The following EPB41L2 variants were observed in gnomAD, a reference collection of about 807,000 sequenced individuals.
EPB41L2 encodes the protein erythrocyte membrane protein band 4.1 like 2.
EPB41L2 carries 43 observed loss-of-function variants against 113.0 expected under a neutral mutation model. The observed-to-expected ratio is 0.38, with a 90% CI of 0.30 to 0.49. EPB41L2 has a LOEUF of 0.49. Ranked by LOEUF, EPB41L2 falls within the 20% of genes least tolerant of loss-of-function variation. EPB41L2 has a pLI of 0.95. For missense variants in EPB41L2, 1,147 were observed against 1,223.4 expected (o/e 0.94, Z 0.93); for synonymous variants, 442 against 436.7 (o/e 1.01, Z -0.15).
rs549970239 is a variant in EPB41L2, at chr6:130,896,782, A to G, written c.1237-1663T>C. Among the ~76,000 whole-genome samples the G allele has an allele frequency of 2.6e-5, 4 of 152,296 alleles. No homozygotes were observed. In the South Asian group the frequency reaches 8.3e-4, roughly 32 times the overall value. Reference sequence around the variant, plus strand: ...CAAAATCAGAAAAATAAACTAATGGAAAGGAGCACCTTCTCTGCATTGCTC... The same window carrying G: ...CAAAATCAGAAAAATAAACTAATGGGAAGGAGCACCTTCTCTGCATTGCTC... On this transcript the variant is annotated intron_variant, in intron 8 of 19. Coordinates refer to ENST00000337057, the MANE Select transcript of EPB41L2 (RefSeq NM_001431.4).
Position 130,923,141 on chromosome 6 carries a change from C to G in EPB41L2, c.810+3464G>C, listed in dbSNP as rs143104521. ...CTGTCATCCTTCATGTTCAATCATT[C>G]ATCAGATTGAGTCAGCCTCCTTCCT... On this transcript the variant is annotated intron_variant, in intron 4 of 19. Coordinates refer to ENST00000337057, the MANE Select transcript of EPB41L2 (RefSeq NM_001431.4). Among the ~76,000 whole-genome samples, 16 of 152,250 alleles carry G rather than the reference C, an allele frequency of 1.1e-4. No homozygotes were observed. In the East Asian group the frequency reaches 3.1e-3, roughly 29 times the overall value.
Position 130,982,913 on chromosome 6 carries a change from T to C in EPB41L2, c.-14-26414A>G, listed in dbSNP as rs189835812. ...TCATACAGTGGTTAATCAACAGTCC[T>C]GGAGTTAGACAAACCTGAATTTGGA... On this transcript the variant is annotated intron_variant, in intron 1 of 19. Transcript: ENST00000337057. 9.2e-5 allele frequency among the ~76,000 whole-genome samples: 14 copies of C among 152,324 alleles called. No homozygotes were observed. The East Asian group carries it at 2.7e-3, about 29-fold the overall frequency.
At chr6:130,864,760 T>A (rs73775325) in intron 17 of EPB41L2, among the ~76,000 whole-genome samples, 4,023 of 144,984 alleles carry the variant, frequency 0.028, 184 homozygotes, top group African/African-American at 0.094. Flanking sequence ...GCGGCATTTT[T>A]AAATTTACAA....
At chr6:131,046,472 T>G (rs947335279) in intron 1 of EPB41L2, among the ~76,000 whole-genome samples, 1 of 152,154 alleles carries the variant, frequency 6.6e-6, no homozygotes, top group Admixed American at 6.5e-5. Context: ...ATTAAATACC[T>G]CATTTGTTGA....
chr6:130,878,973 T>G (rs1473943261), intron 13 of EPB41L2, among the ~76,000 whole-genome samples: 2 of 152,240 alleles, frequency 1.3e-5, no homozygotes, highest in African/African-American at 4.8e-5. Context: ...CAGATCGTCC[T>G]TATACAGACA....
chr6:130,860,907 C>G (rs150798925), intron 18 of EPB41L2, among the ~76,000 whole-genome samples: 1 of 152,106 alleles, frequency 6.6e-6, no homozygotes. Flanking sequence ...TATTTTACCT[C>G]TCCTTGGTAT....
intron 19 of EPB41L2, among the ~76,000 whole-genome samples, chr6:130,851,093 A>G (rs920116151): frequency 5.3e-5 from 8 of 152,218 alleles, no homozygotes; most frequent in Non-Finnish European, 1.5e-5. Flanking sequence ...ACAACTAGGC[A>G]AACAGAATAA....
chr6:130,892,456 C>A (rs1422867804), intron 10 of EPB41L2, among the ~76,000 whole-genome samples: 17 of 133,794 alleles, frequency 1.3e-4, no homozygotes, highest in African/African-American at 4.6e-4. Context: ...GTTGTCTGCC[C>A]AGCTTGGACC....
intron 3 of EPB41L2, among the ~76,000 whole-genome samples, chr6:130,954,136 T>TCCGCCTC (rs1816534735): frequency 7.5e-6 from 1 of 133,128 alleles, no homozygotes; most frequent in African/African-American, 2.8e-5. Flanking sequence ...CACCACAAGC[T>TCCGCCTC]CCGCCTCCCG....
At chr6:130,890,193 T>C in intron 11 of EPB41L2, 101 bp downstream of exon 11, 2 of 1,254,434 alleles carry the variant, frequency 1.6e-6, no homozygotes, top group South Asian at 2.0e-5. Context: ...GCTATCCCTG[T>C]AGGGTATTTC....
At chr6:130,930,476 T>C (rs1188318530) in intron 3 of EPB41L2, among the ~76,000 whole-genome samples, 2 of 152,138 alleles carry the variant, frequency 1.3e-5, no homozygotes, top group Admixed American at 1.3e-4. Context: ...TATTACAAAA[T>C]CTGAAAAAAC....
chr6:130,973,365 G>A lies in EPB41L2; in HGVS notation c.-14-16866C>T, dbSNP rs370736508. Among the ~76,000 whole-genome samples the A allele has an allele frequency of 2.0e-4, 31 of 152,048 alleles. 1 individual carries two copies. Among genetic ancestry groups the A allele is most frequent in the African/African-American group, 6.3e-4 (26 of 41,482 alleles). ...GGTTCACAAAGGGGCAATTTGGTGAGTTTTTTAGTAGAGCCAATTTTATTC... is the reference window on the plus strand; with the variant it reads ...GGTTCACAAAGGGGCAATTTGGTGAATTTTTTAGTAGAGCCAATTTTATTC... On this transcript the variant is annotated intron_variant, in intron 1 of 19. Coordinates refer to ENST00000337057, the MANE Select transcript of EPB41L2 (RefSeq NM_001431.4).
chr6:130,987,435 G>A (rs1421028039), intron 1 of EPB41L2, among the ~76,000 whole-genome samples: 1 of 152,180 alleles, frequency 6.6e-6, no homozygotes, highest in Non-Finnish European at 1.5e-5. Context: ...GCTCATGCCT[G>A]TAATCCCAGC....
chr6:130,919,318 C>T lies in EPB41L2; in HGVS notation c.810+7287G>A, dbSNP rs1802127795. Among the ~76,000 whole-genome samples the T allele has an allele frequency of 2.6e-5, 4 of 152,160 alleles. No homozygotes were observed. The South Asian group carries it at 8.3e-4, about 32-fold the overall frequency. On this transcript the variant is annotated intron_variant, in intron 4 of 19. Transcript: ENST00000337057. ...ATAAGAACGCTACAGTAGACCCAAA[C>T]AAATGTACCTTTATCTTAGTATTTT... is the stretch of plus-strand genomic sequence containing the variant.
At position 130,867,960 on chromosome 6, in the gene EPB41L2, ACACACACACACACT is replaced by A. The variant is rs1195995275; in HGVS notation, c.2608-393_2608-380del. The A allele has an allele frequency of 7.2e-4, 119 of 165,614 alleles. No homozygotes were observed. The Middle Eastern group carries it at 7.7e-3, about 11-fold the overall frequency. 10.3% of individuals were successfully genotyped at this position (165,614 alleles called of 1,614,324 possible). A position where few individuals can be genotyped will look rare whatever the true frequency, so the allele number is the denominator to read the frequency against. ...GTGACACACACACACACACACACAC[ACACACACACACACT>A]CTCTCTCTCTCTCTCTCTCTCTCTC... On this transcript the variant is annotated intron_variant, in intron 15 of 19. Coordinates refer to ENST00000337057, the MANE Select transcript of EPB41L2 (RefSeq NM_001431.4).
intron 19 of EPB41L2, among the ~76,000 whole-genome samples, chr6:130,854,396 C>T (rs939256166): frequency 6.7e-6 from 1 of 149,708 alleles, no homozygotes; most frequent in African/African-American, 2.4e-5. Flanking sequence ...TAAGTTTATA[C>T]TTTAACTTCC....
At chr6:130,955,901 G>C in intron 2 of EPB41L2, 93 bp downstream of exon 2, 1 of 1,520,752 alleles carries the variant, frequency 6.6e-7, no homozygotes, top group Non-Finnish European at 8.7e-7. Flanking sequence ...CTCAGTACAA[G>C]AAATCTGGAA....
chr6:131,002,358 G>A (rs1784538356), intron 1 of EPB41L2, among the ~76,000 whole-genome samples: 1 of 152,172 alleles, frequency 6.6e-6, no homozygotes, highest in Non-Finnish European at 1.5e-5. Context: ...GGAGAGAGAA[G>A]AAAGAAGGGG....
intron 14 of EPB41L2, among the ~76,000 whole-genome samples, chr6:130,871,462 TAC>T (rs1259221172): frequency 1.3e-5 from 2 of 152,144 alleles, no homozygotes; most frequent in Non-Finnish European, 2.9e-5. Context: ...GCTGCCAAGG[TAC>T]TAACTGGACT....
Sources: allele counts gnomAD v4.1 joint callset (sites outside exome capture counted in the v4.1 genomes callset), GRCh38; gene constraint gnomAD v4.1.1; transcripts MANE v1.5; gene names NCBI Gene and HGNC (gene_info 2026-07-23, HGNC 2026-07-21).